Variants in CYSLTR2 observed in about 807,000 individuals in gnomAD.
The protein encoded by CYSLTR2 is cysteinyl leukotriene receptor 2, also known as G-protein coupled receptor GPCR21.
For synonymous variants in CYSLTR2, 179 were observed against 160.8 expected (o/e 1.11, Z -0.86); for missense variants, 398 against 411.9 (o/e 0.97, Z 0.29).
intron 1 of CYSLTR2, among the ~76,000 whole-genome samples, chr13:48,654,916 T>C (rs888869953): frequency 6.6e-6 from 1 of 152,184 alleles, no homozygotes; most frequent in Non-Finnish European, 1.5e-5. Context: ...TATTTTTCTG[T>C]CTCTGAAATA....
At chr13:48,686,307 C>A (rs944899313) in intron 1 of CYSLTR2, among the ~76,000 whole-genome samples, 3 of 152,124 alleles carry the variant, frequency 2.0e-5, no homozygotes, top group Non-Finnish European at 2.9e-5. Flanking sequence ...GTCTTCTAGT[C>A]AAAGGCCATT....
At chr13:48,665,163 G>A (rs1326251925) in intron 1 of CYSLTR2, among the ~76,000 whole-genome samples, 2 of 151,912 alleles carry the variant, frequency 1.3e-5, no homozygotes, top group Non-Finnish European at 2.9e-5. Context: ...TTCCCTTGTG[G>A]TCAAATAAGT....
chr13:48,709,364 A>G lies in CYSLTR2; in HGVS notation c.*1506A>G, dbSNP rs1293721931. ...ACTAAGTCAGTCATCATACTAAACA[A>G]AAATCCCAGTACCCTTTCCTTATTT... On this transcript the variant is annotated 3_prime_UTR_variant, in exon 5 of 5. Transcript: ENST00000682523. 6.0e-6 allele frequency: 1 copy of G among 167,106 alleles called. No individual in the cohort carries two copies. The highest frequency in any genetic ancestry group is 6.5e-5 in the Admixed American group (1 of 15,274). 10.4% of individuals were successfully genotyped at this position (167,106 alleles called of 1,614,324 possible).
chr13:48,679,088 C>T (rs1953678515), intron 1 of CYSLTR2, among the ~76,000 whole-genome samples: 1 of 152,164 alleles, frequency 6.6e-6, no homozygotes, highest in East Asian at 1.9e-4. Flanking sequence ...CACCCATCCT[C>T]CTTGCATGCT....
intron 1 of CYSLTR2, among the ~76,000 whole-genome samples, chr13:48,689,772 T>TG (rs1953989830): frequency 6.6e-6 from 1 of 152,210 alleles, no homozygotes; most frequent in South Asian, 2.1e-4. Flanking sequence ...TAAAGTAGTT[T>TG]TTTTTCTAAT....
chr13:48,690,362 C>T (rs1433417584), intron 1 of CYSLTR2, among the ~76,000 whole-genome samples: 4 of 152,018 alleles, frequency 2.6e-5, no homozygotes, highest in Non-Finnish European at 5.9e-5. Flanking sequence ...CAGCTTTTGC[C>T]CATTCAGTAT....
chr13:48,664,720 T>C (rs1222837127), intron 1 of CYSLTR2, among the ~76,000 whole-genome samples: 18 of 152,036 alleles, frequency 1.2e-4, no homozygotes, highest in Admixed American at 1.2e-3. Flanking sequence ...TTCTTCTCTC[T>C]TTTTTTCTTA....
intron 4 of CYSLTR2, among the ~76,000 whole-genome samples, chr13:48,697,108 G>A (rs904724511): frequency 3.9e-5 from 6 of 152,226 alleles, no homozygotes; most frequent in Non-Finnish European, 5.9e-5. Context: ...ACAAAAGGCA[G>A]CAGAAACTTC....
chr13:48,681,089 C>T (rs936903830), intron 1 of CYSLTR2, among the ~76,000 whole-genome samples: 5 of 151,982 alleles, frequency 3.3e-5, no homozygotes, highest in Non-Finnish European at 5.9e-5. Context: ...TTATACTCTC[C>T]CTACAACTGT....
chr13:48,682,677 C>T (rs1953787596), intron 1 of CYSLTR2, among the ~76,000 whole-genome samples: 1 of 152,084 alleles, frequency 6.6e-6, no homozygotes, highest in Admixed American at 6.6e-5. Context: ...AACTTACACC[C>T]ATAGAACTCA....
chr13:48,698,589 A>G (rs1182884274), intron 4 of CYSLTR2, among the ~76,000 whole-genome samples: 2 of 152,186 alleles, frequency 1.3e-5, no homozygotes, highest in Non-Finnish European at 2.9e-5. Context: ...AAAGACCATC[A>G]ATGCTAGGAA....
At chr13:48,686,098 CT>C (rs961856638) in intron 1 of CYSLTR2, among the ~76,000 whole-genome samples, 1 of 151,908 alleles carries the variant, frequency 6.6e-6, no homozygotes, top group Non-Finnish European at 1.5e-5. Context: ...TAACTCTTTT[CT>C]TTTTTTTGAC....
At chr13:48,690,063 T>C (rs1032113760) in intron 1 of CYSLTR2, among the ~76,000 whole-genome samples, 1 of 152,144 alleles carries the variant, frequency 6.6e-6, no homozygotes, top group African/African-American at 2.4e-5. Flanking sequence ...GCTTGTTTAT[T>C]ATTGGTGTAT....
rs1389172622 is a variant in CYSLTR2 at position 48,707,006 on chromosome 13, C to T, written c.189C>T (p.Phe63=). ...GAAATGGGTTGTCCATATATGTTTT[C>T]CTGCAGCCTTATAAGAAGTCCACAT... The part of the protein sequence containing the change: ...VLGNGLSIYV[F]LQPYKKSTSV... The change falls in exon 5 of 5, where the codon TTC becomes TTT. Residue 63 remains phenylalanine, a synonymous_variant. Transcript: ENST00000682523. 1.9e-6 allele frequency: 3 copies of T among 1,614,128 alleles called. No individual in the cohort carries two copies. The highest frequency in any genetic ancestry group is 4.5e-5 in the East Asian group (2 of 44,890).
chr13:48,658,344 T>C (rs996646216), intron 1 of CYSLTR2, among the ~76,000 whole-genome samples: 1 of 152,190 alleles, frequency 6.6e-6, no homozygotes, highest in Non-Finnish European at 1.5e-5. Flanking sequence ...ATTAACATCA[T>C]TTCATTATAA....
chr13:48,691,725 T>C (rs1164446527), intron 2 of CYSLTR2, among the ~76,000 whole-genome samples: 1 of 152,122 alleles, frequency 6.6e-6, no homozygotes, highest in Non-Finnish European at 1.5e-5. Context: ...TGGAAAAAGA[T>C]ATTTTGATAC....
intron 4 of CYSLTR2, among the ~76,000 whole-genome samples, chr13:48,703,386 C>A (rs1357506821): frequency 6.6e-6 from 1 of 152,150 alleles, no homozygotes; most frequent in African/African-American, 2.4e-5. Flanking sequence ...GGCATCCTTG[C>A]ATTGCTCCTG....
In CYSLTR2 at chr13:48,663,190, C is replaced by T. The variant is rs867777519; in HGVS notation, c.-266+9173C>T. Among the ~76,000 whole-genome samples, 13 of 152,172 alleles carry T rather than the reference C, an allele frequency of 8.5e-5. No individual in the cohort carries two copies. The South Asian group carries it at 1.0e-3, about 12-fold the overall frequency. On this transcript the variant is annotated intron_variant, in intron 1 of 4. Coordinates refer to ENST00000682523, the MANE Select transcript of CYSLTR2 (RefSeq NM_001308476.3). ...TAATTTCTGGATTCTCTATTCTGTT[C>T]CATTGGCCTATGTGTCTGCTTTTGT...
intron 1 of CYSLTR2, among the ~76,000 whole-genome samples, chr13:48,654,697 A>T (rs937463774): frequency 1.3e-5 from 2 of 152,198 alleles, no homozygotes; most frequent in African/African-American, 4.8e-5. Flanking sequence ...CCCCACTGGG[A>T]CCCTAATCAG....
Sources: allele counts gnomAD v4.1 joint callset (sites outside exome capture counted in the v4.1 genomes callset), GRCh38; gene constraint gnomAD v4.1.1; transcripts MANE v1.5; gene names NCBI Gene and HGNC (gene_info 2026-07-23, HGNC 2026-07-21).